The following ERN1 variants were observed in gnomAD, a reference collection of about 807,000 sequenced individuals.
ERN1 encodes serine/threonine-protein kinase/endoribonuclease IRE1.
ERN1 carries 39 observed loss-of-function variants against 113.1 expected under a neutral mutation model. The observed-to-expected ratio is 0.34, with a 90% CI of 0.27 to 0.45. ERN1 has a LOEUF of 0.45. ERN1 is among the 20% of genes least tolerant of loss of function. ERN1 has a pLI of 1.00. For missense variants in ERN1, 976 were observed against 1,274.8 expected, an observed-to-expected ratio of 0.77 and a Z score of 3.57; for synonymous variants, 507 against 515.9, an observed-to-expected ratio of 0.98 and a Z score of 0.23.
intron 10 of ERN1, among the ~76,000 whole-genome samples, chr17:64,062,228 G>A (rs545343401): frequency 2.6e-5 from 4 of 152,368 alleles, no homozygotes; most frequent in Admixed American, 6.5e-5. Flanking sequence ...CTCTGATGCC[G>A]AAAGCACCCA....
At chr17:64,118,984 T>C (rs1914881645) in intron 1 of ERN1, among the ~76,000 whole-genome samples, 2 of 152,116 alleles carry the variant, frequency 1.3e-5, no homozygotes. Context: ...CTTCTACAAA[T>C]CCCTTCTCCT....
chr17:64,082,849 G>A (rs1913809804), intron 2 of ERN1, among the ~76,000 whole-genome samples: 1 of 123,886 alleles, frequency 8.1e-6, no homozygotes, highest in Non-Finnish European at 1.5e-5. Context: ...TAAGAACTGT[G>A]ATTTTTTTTT....
intron 6 of ERN1, among the ~76,000 whole-genome samples, chr17:64,070,436 G>C (rs1913373088): frequency 6.6e-6 from 1 of 152,186 alleles, no homozygotes; most frequent in Non-Finnish European, 1.5e-5. Context: ...ACCTGAGAAT[G>C]ACGCAATTTT....
chr17:64,063,908 T>C lies in ERN1; in HGVS notation c.1087+78A>G. 2 of 1,425,862 alleles carry C rather than the reference T, an allele frequency of 1.4e-6. No homozygotes were observed. The highest frequency in any genetic ancestry group is 1.9e-6 in the Non-Finnish European group (2 of 1,029,568). 88.3% of individuals were successfully genotyped at this position (1,425,862 alleles called of 1,614,324 possible). A position where few individuals can be genotyped will look rare whatever the true frequency, so the allele number is the denominator to read the frequency against. Reference sequence around the variant, plus strand: ...AAGGCCTTCCGAGCTCAGTACGGTGTAACTACCAGGGCCGGCGGTCGCCCA... The same window carrying C: ...AAGGCCTTCCGAGCTCAGTACGGTGCAACTACCAGGGCCGGCGGTCGCCCA... On this transcript the variant is annotated intron_variant, in intron 10 of 21. Transcript: ENST00000433197. The surrounding 1 kb of genome is among the most constrained non-coding windows in gnomAD (Gnocchi z 5.1).
chr17:64,096,388 A>G (rs1914230187), intron 2 of ERN1, among the ~76,000 whole-genome samples: 1 of 152,226 alleles, frequency 6.6e-6, no homozygotes, highest in Non-Finnish European at 1.5e-5. Context: ...GTTTCCCATC[A>G]CGCCCAGATG....
In ERN1 at chr17:64,042,388, T is replaced by C. The variant is rs1879442890; in HGVS notation, c.*1600A>G. On this transcript the variant is annotated 3_prime_UTR_variant, in exon 22 of 22. Transcript: ENST00000433197. Reference sequence around the variant, plus strand: ...GGAACTGAATTCTACAAAGGCAGAATGAGAGCTTTTGATGAGTAACCATGA... The same window carrying C: ...GGAACTGAATTCTACAAAGGCAGAACGAGAGCTTTTGATGAGTAACCATGA... 2 of 152,208 alleles carry C rather than the reference T, an allele frequency of 1.3e-5. No individual in the cohort carries two copies. The highest frequency in any genetic ancestry group is 6.5e-5 in the Admixed American group (1 of 15,284). The allele number at this position is 152,208 out of a possible 1,614,324, so 9.4% of individuals were successfully genotyped here.
At chr17:64,064,681 G>A (rs1169242495) in intron 9 of ERN1, among the ~76,000 whole-genome samples, 1 of 152,230 alleles carries the variant, frequency 6.6e-6, no homozygotes, top group South Asian at 2.1e-4. Flanking sequence ...TGGACTTTCA[G>A]AGACAGAATG....
At position 64,079,704 on chromosome 17, in the gene ERN1, G is replaced by A. The variant is rs752892852; in HGVS notation, c.240C>T (p.Gly80=). 6.2e-6 allele frequency: 10 copies of A among 1,613,664 alleles called. No individual in the cohort carries two copies. The East Asian group carries it at 1.1e-4, about 18-fold the overall frequency. The part of the protein sequence containing the change: ...EPAFLPDPND[G]SLYTLGSKNN... ...TCTTGCTTCCAAGCGTATACAGGCT[G>A]CCATCATTAGGATCTGGGAGAAAGG... Residue 80 remains glycine (G), a synonymous_variant, in exon 4 of 22, where the codon GGC becomes GGT. Coordinates refer to ENST00000433197, the MANE Select transcript of ERN1 (RefSeq NM_001433.5).
chr17:64,052,725 G>C, intron 17 of ERN1, 55 bp downstream of exon 17: 1 of 1,531,760 alleles, frequency 6.5e-7, no homozygotes, highest in Non-Finnish European at 8.9e-7. Context: ...TTCTACTCCT[G>C]AAGATACAAT....
intron 2 of ERN1, among the ~76,000 whole-genome samples, chr17:64,095,491 T>G (rs1914205290): frequency 6.6e-6 from 1 of 152,170 alleles, no homozygotes; most frequent in South Asian, 2.1e-4. Flanking sequence ...AATTCTTCTT[T>G]AAGTGTCTTG....
intron 1 of ERN1, among the ~76,000 whole-genome samples, chr17:64,104,815 T>C (rs1914478875): frequency 6.7e-6 from 1 of 149,608 alleles, no homozygotes; most frequent in Admixed American, 6.6e-5. Context: ...AGAGACTCCA[T>C]CTCAAAAAAA....
At chr17:64,065,171 G>C in intron 9 of ERN1, 38 bp downstream of exon 9, 1 of 1,429,156 alleles carries the variant, frequency 7.0e-7, no homozygotes, top group Non-Finnish European at 9.7e-7. Flanking sequence ...TGGAACAGAA[G>C]TGGTTAGGCA....
intron 7 of ERN1, 191 bp from the exon 8 acceptor site, chr17:64,067,123 A>G: frequency 1.6e-6 from 1 of 632,244 alleles, no homozygotes. Context: ...AGACACTGAG[A>G]GCTGGCTGGC....
chr17:64,087,103 C>G (rs776768940), intron 2 of ERN1, among the ~76,000 whole-genome samples: 1 of 152,148 alleles, frequency 6.6e-6, no homozygotes, highest in Non-Finnish European at 1.5e-5. Flanking sequence ...CTAGGTTCTT[C>G]CCCCAGGAAG....
rs1912273687 is a variant in ERN1 at position 64,039,459 on chromosome 17, AC to A, written c.*4528del. 1 of 152,214 alleles carries A rather than the reference AC, an allele frequency of 6.6e-6. No individual in the cohort carries two copies. Among genetic ancestry groups the A allele is most frequent in the African/African-American group, 2.4e-5 (1 of 41,444 alleles). The allele number at this position is 152,214 out of a possible 1,614,324, so 9.4% of individuals were successfully genotyped here. On this transcript the variant is annotated 3_prime_UTR_variant, in exon 22 of 22. Coordinates refer to ENST00000433197, the MANE Select transcript of ERN1 (RefSeq NM_001433.5). ...AAAATCACCTAAAAATTAACATTTT[AC>A]CCCGACCAAATTAATCACCCTTTAA...
At position 64,072,048 on chromosome 17, in the gene ERN1, C is replaced by G; in HGVS notation, c.411G>C (p.Gln137His). ...VIDLLTGEKQ[Q>H]TLSSAFADSL... Reference sequence around the variant, plus strand: ...TATCTGCAAAGGCCGATGACAAAGTCTGCTGCTTCTCTCCGGTCAGGAGGT... The same window carrying G: ...TATCTGCAAAGGCCGATGACAAAGTGTGCTGCTTCTCTCCGGTCAGGAGGT... Residue 137 changes from glutamine to histidine, a missense_variant, in exon 6 of 22, where the codon CAG (glutamine) becomes CAC (histidine). Around this residue, in one of 5 missense-constraint regions of ERN1, gnomAD observed 459 missense variants for 581.2 expected, o/e 0.79. Coordinates refer to ENST00000433197, the MANE Select transcript of ERN1 (RefSeq NM_001433.5). 1 of 1,609,630 alleles carries G rather than the reference C, an allele frequency of 6.2e-7. No individual in the cohort carries two copies. Among genetic ancestry groups the G allele is most frequent in the Non-Finnish European group, 8.5e-7 (1 of 1,177,894 alleles).
intron 8 of ERN1, among the ~76,000 whole-genome samples, chr17:64,065,798 G>C (rs1352969281): frequency 1.3e-5 from 2 of 152,170 alleles, no homozygotes; most frequent in Non-Finnish European, 2.9e-5. Flanking sequence ...GGATGCATAA[G>C]AAATTCCAGA....
Position 64,130,122 on chromosome 17 carries a change from G to T in ERN1, c.-93C>A. Reference sequence around the variant, plus strand: ...AGCGAGGCGGTGACCGAGCCTCAGCGGACGCAGAACTGACTAGGCAGCGGC... The same window carrying T: ...AGCGAGGCGGTGACCGAGCCTCAGCTGACGCAGAACTGACTAGGCAGCGGC... On this transcript the variant is annotated 5_prime_UTR_variant, in exon 1 of 22. Transcript: ENST00000433197. The surrounding 1 kb of genome is among the most constrained non-coding windows in gnomAD (Gnocchi z 4.0). 1 of 1,182,232 alleles carries T rather than the reference G, an allele frequency of 8.5e-7. No individual in the cohort carries two copies. The highest frequency in any genetic ancestry group is 1.1e-6 in the Non-Finnish European group (1 of 924,924). The allele number at this position is 1,182,232 out of a possible 1,614,324, so 73.2% of individuals were successfully genotyped here. A position where few individuals can be genotyped will look rare whatever the true frequency, so the allele number is the denominator to read the frequency against.
chr17:64,127,120 C>T (rs1233736255), intron 1 of ERN1, among the ~76,000 whole-genome samples: 1 of 152,090 alleles, frequency 6.6e-6, no homozygotes, highest in Non-Finnish European at 1.5e-5. Flanking sequence ...AAAAGACAGC[C>T]TCAAGTGCTT....
Sources: gnomAD v4.1 joint callset for allele counts (sites outside exome capture counted in the v4.1 genomes callset) on GRCh38, gnomAD v4.1.1 for gene constraint, gnomAD v4.1.1 regional missense constraint, Gnocchi (gnomAD v3.1) non-coding constraint, MANE v1.5 for transcripts, NCBI Gene and HGNC (gene_info 2026-07-23, HGNC 2026-07-21) for gene names.